ANKLE2: variants seen among roughly 807,000 people sequenced by gnomAD.
The protein encoded by ANKLE2 is ankyrin repeat and LEM domain-containing protein 2.
Under a neutral mutation model 84.2 loss-of-function variants are expected in ANKLE2, and 55 were observed. The observed-to-expected ratio is 0.65, with a 90% CI of 0.53 to 0.82. ANKLE2 has a LOEUF of 0.82. Among genes scored for constraint, ANKLE2 ranks in the 40% least tolerant of loss-of-function variants. The probability of loss-of-function intolerance (pLI) is 0.00; values close to 1 mark genes in which losing one functional copy is unlikely to be tolerated. For synonymous variants in ANKLE2, 551 were observed against 486.1 expected, an observed-to-expected ratio of 1.13 and a Z score of -1.76; for missense variants, 1,238 against 1,201.9, an observed-to-expected ratio of 1.03 and a Z score of -0.44.
At chr12:132,737,111 C>T in intron 7 of ANKLE2, 46 bp from the exon 8 acceptor site, 1 of 1,539,892 alleles carries the variant, frequency 6.5e-7, no homozygotes, top group African/African-American at 1.4e-5. Context: ...GCCCCCTCCG[C>T]AGGTCAGGCC....
At position 132,729,813 on chromosome 12, in the gene ANKLE2, G is replaced by C. The variant is rs200721415; in HGVS notation, c.2349C>G (p.Leu783=). 9.2e-5 allele frequency: 148 copies of C among 1,613,300 alleles called. No individual in the cohort carries two copies. The highest frequency in any genetic ancestry group is 1.2e-4 in the Non-Finnish European group (145 of 1,179,798). ...DLLEPSPADQ[L]GNGHRRTESE... Reference sequence around the variant, plus strand: ...TTTCTGTCCTCCTGTGGCCATTCCCGAGTTGGTCTGCGGGAGAAGGCTCTA... The same window carrying C: ...TTTCTGTCCTCCTGTGGCCATTCCCCAGTTGGTCTGCGGGAGAAGGCTCTA... Residue 783 remains leucine (L), a synonymous_variant, in exon 11 of 13, where the codon CTC becomes CTG. Transcript: ENST00000357997.
rs200179300 is a variant in ANKLE2, at chr12:132,729,815, G to C, written c.2347C>G (p.Leu783Val). 6 of 1,613,388 alleles carry C rather than the reference G, an allele frequency of 3.7e-6. No individual in the cohort carries two copies. The Admixed American group carries it at 1.0e-4, about 27-fold the overall frequency. Residue 783 changes from leucine (L) to valine (V), a missense_variant, in exon 11 of 13, where the codon CTC (leucine) becomes GTC (valine). Around this residue, in one of 3 missense-constraint regions of ANKLE2, gnomAD observed 802 missense variants for 774.5 expected, o/e 1.04. Transcript: ENST00000357997. ...TCTGTCCTCCTGTGGCCATTCCCGA[G>C]TTGGTCTGCGGGAGAAGGCTCTAAC... is the stretch of plus-strand genomic sequence containing the variant. ...DLLEPSPADQLGNGHRRTESE... is the reference protein window; with the variant it reads ...DLLEPSPADQVGNGHRRTESE...
chr12:132,733,177 T>G (rs1443950780), intron 10 of ANKLE2, among the ~76,000 whole-genome samples: 1 of 148,948 alleles, frequency 6.7e-6, no homozygotes, highest in African/African-American at 2.5e-5. Flanking sequence ...TGAAGCTCTC[T>G]GCGTGCTGGT....
In ANKLE2 at chr12:132,743,389, A is replaced by C; in HGVS notation, c.1231-113T>G. 1.4e-5 allele frequency: 19 copies of C among 1,318,376 alleles called. No individual in the cohort carries two copies. The highest frequency in any genetic ancestry group is 1.8e-5 in the Non-Finnish European group (18 of 990,766). 81.7% of individuals were successfully genotyped at this position (1,318,376 alleles called of 1,614,324 possible). ...CATTCATTTATTTATTTTGAGACGG[A>C]GTCTCACTGGCGTGATCTTGGCTCA... On this transcript the variant is annotated intron_variant, in intron 5 of 12. Coordinates refer to ENST00000357997, the MANE Select transcript of ANKLE2 (RefSeq NM_015114.3). The surrounding 1 kb of genome is among the most constrained non-coding windows in gnomAD (Gnocchi z 4.1).
At chr12:132,748,481 G>C (rs576853879) in intron 3 of ANKLE2, 150 bp from the exon 4 acceptor site, 1 of 803,700 alleles carries the variant, frequency 1.2e-6, no homozygotes, top group Non-Finnish European at 1.9e-6. Context: ...AAGGGCCCAC[G>C]GCCACCGGCC....
At chr12:132,730,351 G>A (rs2043815856) in intron 10 of ANKLE2, 81 bp from the exon 11 acceptor site, 37 of 430,496 alleles carry the variant, frequency 8.6e-5, no homozygotes, top group South Asian at 4.2e-4. Flanking sequence ...ATGACCAACT[G>A]CCGTGACCCC....
Position 132,729,696 on chromosome 12 carries a change from C to T in ANKLE2, c.2466G>A (p.Arg822=), listed in dbSNP as rs1429667932. Residue 822 remains arginine (R), a synonymous_variant, in exon 11 of 13, where the codon AGG becomes AGA. Coordinates refer to ENST00000357997, the MANE Select transcript of ANKLE2 (RefSeq NM_015114.3). Reference sequence around the variant, plus strand: ...ACTCCTACCCAAAAAGGAAGAGCCGCCTGGCCGGTTCCCTGGTGACCTCGA... The same window carrying T: ...ACTCCTACCCAAAAAGGAAGAGCCGTCTGGCCGGTTCCCTGGTGACCTCGA... ...DQLEVTREPA[R]RLFLFGEEPS... is the part of the protein sequence containing the mutation. 3.7e-6 allele frequency: 6 copies of T among 1,606,352 alleles called. No homozygotes were observed. Among genetic ancestry groups the T allele is most frequent in the Non-Finnish European group, 5.1e-6 (6 of 1,177,826 alleles).
rs912204944 is a variant in ANKLE2, at chr12:132,726,108, T to C, written c.*1134A>G. On this transcript the variant is annotated 3_prime_UTR_variant, in exon 13 of 13. Coordinates refer to ENST00000357997, the MANE Select transcript of ANKLE2 (RefSeq NM_015114.3). ...AAAGGCACTGAAGTTAGCAAAAGCA[T>C]TGGTGGGTTTTCATTTTGGATTAAA... 10 of 152,518 alleles carry C rather than the reference T, an allele frequency of 6.6e-5. No individual in the cohort carries two copies. Among genetic ancestry groups the C allele is most frequent in the African/African-American group, 1.9e-4 (8 of 41,574 alleles). The allele number at this position is 152,518 out of a possible 1,614,324, so 9.4% of individuals were successfully genotyped here.
intron 1 of ANKLE2, chr12:132,759,937 C>G (rs904333896): frequency 6.6e-6 from 1 of 152,074 alleles, no homozygotes; most frequent in African/African-American, 2.4e-5. Flanking sequence ...AATTCGAGAC[C>G]ATCCTGGCCA....
At chr12:132,748,441 A>C in intron 3 of ANKLE2, 110 bp from the exon 4 acceptor site, 1 of 1,238,658 alleles carries the variant, frequency 8.1e-7, no homozygotes, top group Non-Finnish European at 1.1e-6. Context: ...CTTCTGGGCC[A>C]ACTGGGAGGC....
At chr12:132,753,916 G>GT (rs1321724301) in intron 2 of ANKLE2, among the ~76,000 whole-genome samples, 4 of 152,126 alleles carry the variant, frequency 2.6e-5, no homozygotes, top group Non-Finnish European at 5.9e-5. Context: ...AGGTGGCAGA[G>GT]TAACACCCTG....
chr12:132,755,893 G>A (rs2044471028), intron 1 of ANKLE2: 1 of 152,152 alleles, frequency 6.6e-6, no homozygotes, highest in South Asian at 2.1e-4. Context: ...CAGGCAGGCT[G>A]GAGTGCAGTG....
In ANKLE2 at chr12:132,730,232, C is replaced by A; in HGVS notation, c.1930G>T (p.Asp644Tyr). 1 of 1,581,782 alleles carries A rather than the reference C, an allele frequency of 6.3e-7. No homozygotes were observed. The highest frequency in any genetic ancestry group is 8.6e-7 in the Non-Finnish European group (1 of 1,161,758). ...SISVRAFLDE[D>Y]DMSLEEIKNR... is the part of the protein sequence containing the mutation. ...TTTATTTCTTCCAAGCTCATGTCAT[C>A]TTCATCTAGAAACGCCCTCACGGAA... Residue 644 changes from aspartate (D) to tyrosine (Y), a missense_variant, in exon 11 of 13, where the codon GAT becomes TAT. Physicochemically the swap from Asp to Tyr is radical, Grantham distance 160. Transcript: ENST00000357997.
intron 5 of ANKLE2, among the ~76,000 whole-genome samples, chr12:132,745,931 G>A (rs556975290): frequency 3.9e-5 from 6 of 152,332 alleles, no homozygotes; most frequent in Non-Finnish European, 7.3e-5. Context: ...CAACAGTTGT[G>A]TACATAGTTA....
intron 10 of ANKLE2, chr12:132,731,034 C>T (rs2043833501): frequency 6.6e-6 from 1 of 152,230 alleles, no homozygotes; most frequent in South Asian, 2.1e-4. Flanking sequence ...CCCTGCTGCG[C>T]TTTAGGTGTG....
chr12:132,740,216 G>A (rs1018267867), intron 7 of ANKLE2, among the ~76,000 whole-genome samples: 1 of 152,164 alleles, frequency 6.6e-6, no homozygotes, highest in Admixed American at 6.5e-5. Flanking sequence ...AGGAACTCTC[G>A]CCGCTAACAG....
Position 132,735,497 on chromosome 12 carries a change from T to C in ANKLE2, c.1609A>G (p.Lys537Glu), listed in dbSNP as rs2043989653. 1 of 1,612,396 alleles carries C rather than the reference T, an allele frequency of 6.2e-7. No individual in the cohort carries two copies. The highest frequency in any genetic ancestry group is 1.3e-5 in the African/African-American group (1 of 74,738). ...TCTCGAGGTGGAGTTTTCCAGAGCTTGCGAAAATCTTCTGCCTATGAAGAA... is the reference window on the plus strand; with the variant it reads ...TCTCGAGGTGGAGTTTTCCAGAGCTCGCGAAAATCTTCTGCCTATGAAGAA... The part of the protein sequence containing the change: ...LSPAKAEDFR[K>E]LWKTPPREKA... Residue 537 changes from lysine (K) to glutamate (E), a missense_variant, in exon 9 of 13, where the codon AAG becomes GAG. Around this residue, in one of 3 missense-constraint regions of ANKLE2, gnomAD observed 802 missense variants for 774.5 expected, o/e 1.04. Coordinates refer to ENST00000357997, the MANE Select transcript of ANKLE2 (RefSeq NM_015114.3).
chr12:132,741,510 A>C lies in ANKLE2; in HGVS notation c.1354-25T>G, dbSNP rs1453243073. On this transcript the variant is annotated intron_variant, in intron 6 of 12. Transcript: ENST00000357997. ...CCTATTGGAAAAAAAAGTGTGTCTA[A>C]ATCTTATTTGATCGCAACATTTCCT... The C allele has an allele frequency of 1.9e-6, 3 of 1,606,404 alleles. No homozygotes were observed. The African/African-American group carries it at 4.0e-5, about 21-fold the overall frequency.
chr12:132,759,779 C>T (rs1045477656), intron 1 of ANKLE2: 1 of 152,098 alleles, frequency 6.6e-6, no homozygotes, highest in Non-Finnish European at 1.5e-5. Flanking sequence ...AAAGCCTAAC[C>T]AGGTATCACT....
Sources: gnomAD v4.1 joint callset for allele counts (sites outside exome capture counted in the v4.1 genomes callset) on GRCh38, gnomAD v4.1.1 for gene constraint, gnomAD v4.1.1 regional missense constraint, Gnocchi (gnomAD v3.1) non-coding constraint, MANE v1.5 for transcripts, NCBI Gene and HGNC (gene_info 2026-07-23, HGNC 2026-07-21) for gene names.